Variants in KCNMA1 observed in about 807,000 individuals in gnomAD.
The protein encoded by KCNMA1 is Calcium-activated potassium channel subunit alpha-1.
Under a neutral mutation model 140.0 loss-of-function variants are expected in KCNMA1, and 29 were observed. That is an observed-to-expected ratio of 0.21 (90% CI 0.15 to 0.28). The LOEUF (loss-of-function observed/expected upper bound fraction) is 0.28, where lower values mean the gene tolerates loss of function less well. Among genes scored for constraint, KCNMA1 ranks in the 10% least tolerant of loss-of-function variants. KCNMA1 has a pLI of 1.00. For missense variants in KCNMA1, 880 were observed against 1,602.2 expected (o/e 0.55, Z 7.70); for synonymous variants, 612 against 611.9 (o/e 1.00, Z 0.00).
intron 1 of KCNMA1, among the ~76,000 whole-genome samples, chr10:77,459,356 G>C (rs1297205798): frequency 6.6e-6 from 1 of 152,250 alleles, no homozygotes; most frequent in South Asian, 2.1e-4. Context: ...AACACACAGA[G>C]AGAGACACAA....
At chr10:77,215,974 G>A (rs1001646576) in intron 3 of KCNMA1, among the ~76,000 whole-genome samples, 3 of 151,758 alleles carry the variant, frequency 2.0e-5, no homozygotes, top group Non-Finnish European at 4.4e-5. Flanking sequence ...TGCAACCCTG[G>A]AAGAGAGCCC....
At chr10:76,984,010 C>G (rs563827118) in intron 19 of KCNMA1, among the ~76,000 whole-genome samples, 1 of 152,202 alleles carries the variant, frequency 6.6e-6, no homozygotes, top group East Asian at 1.9e-4. Flanking sequence ...TTTGATTTCT[C>G]TCTTCATTTA....
intron 2 of KCNMA1, among the ~76,000 whole-genome samples, chr10:77,399,579 G>A (rs1481747477): frequency 1.3e-5 from 2 of 152,194 alleles, no homozygotes; most frequent in African/African-American, 4.8e-5. Context: ...CTGAGTGCCA[G>A]GGTGAGAGAG....
chr10:77,107,697 G>T (rs749273807), intron 9 of KCNMA1, among the ~76,000 whole-genome samples: 3 of 152,182 alleles, frequency 2.0e-5, no homozygotes, highest in Non-Finnish European at 4.4e-5. Context: ...AAAAGATTTG[G>T]CAGGAATAGC....
chr10:76,926,678 G>C (rs1298796916), intron 23 of KCNMA1, among the ~76,000 whole-genome samples: 2 of 152,056 alleles, frequency 1.3e-5, no homozygotes, highest in Non-Finnish European at 2.9e-5. Flanking sequence ...TTGAAACCAC[G>C]ATAATTCTGT....
rs189313518 is a variant in KCNMA1 at position 77,219,076 on chromosome 10, G to A, written c.602+32119C>T. Reference sequence around the variant, plus strand: ...TTGAAGTGCCCTCCTGGTTCATTTCGTCTAGTGACAAATATGACTCCATAT... The same window carrying A: ...TTGAAGTGCCCTCCTGGTTCATTTCATCTAGTGACAAATATGACTCCATAT... On this transcript the variant is annotated intron_variant, in intron 3 of 27. Coordinates refer to ENST00000286628, the MANE Select transcript of KCNMA1 (RefSeq NM_001161352.2). Among the ~76,000 whole-genome samples the A allele has an allele frequency of 2.2e-3, 339 of 152,016 alleles. 1 individual carries two copies. The highest frequency in any genetic ancestry group is 7.6e-3 in the African/African-American group (313 of 41,454).
intron 1 of KCNMA1, among the ~76,000 whole-genome samples, chr10:77,442,414 C>T (rs535094053): frequency 4.6e-5 from 7 of 152,048 alleles, no homozygotes; most frequent in African/African-American, 1.7e-4. Flanking sequence ...CTCTCCTGCC[C>T]CAGCTCCTAA....
At chr10:77,177,305 CTTTT>C (rs1394198783) in intron 5 of KCNMA1, among the ~76,000 whole-genome samples, 1 of 146,682 alleles carries the variant, frequency 6.8e-6, no homozygotes, top group Non-Finnish European at 1.5e-5. Flanking sequence ...TTCCTTCTTT[CTTTT>C]CTTTCCTTCC....
At chr10:76,924,838 G>A (rs1054426309) in intron 23 of KCNMA1, among the ~76,000 whole-genome samples, 1 of 152,148 alleles carries the variant, frequency 6.6e-6, no homozygotes, top group Non-Finnish European at 1.5e-5. Flanking sequence ...GCACACATGG[G>A]CAGTGAAGAG....
At chr10:77,016,543 G>T (rs1334006314) in intron 17 of KCNMA1, among the ~76,000 whole-genome samples, 3 of 152,002 alleles carry the variant, frequency 2.0e-5, no homozygotes. Flanking sequence ...GAGTAATAAG[G>T]ATTTTTATAT....
At chr10:77,276,368 A>T (rs1184970645) in intron 2 of KCNMA1, among the ~76,000 whole-genome samples, 1 of 152,224 alleles carries the variant, frequency 6.6e-6, no homozygotes, top group Admixed American at 6.5e-5. Context: ...CCAGTTCAGG[A>T]ATAACTGCCT....
In KCNMA1 at chr10:77,066,168, T is replaced by C. The variant is rs140036535; in HGVS notation, c.1749+6929A>G. On this transcript the variant is annotated intron_variant, in intron 14 of 27. Transcript: ENST00000286628. The stretch of plus-strand genomic sequence containing the variant: ...GTTGTTCTGGATGCTTTGTTGAAGA[T>C]AGATTGGAGGTGGGGTGGTAAGGGC... 1.7e-3 allele frequency among the ~76,000 whole-genome samples: 256 copies of C among 152,144 alleles called. 2 individuals carry two copies. The highest frequency in any genetic ancestry group is 5.9e-3 in the African/African-American group (243 of 41,518).
chr10:77,569,810 T>C (rs1310063385), intron 1 of KCNMA1, among the ~76,000 whole-genome samples: 2 of 152,032 alleles, frequency 1.3e-5, no homozygotes, highest in Non-Finnish European at 2.9e-5. Flanking sequence ...ACCTACAAAA[T>C]GGGAGAAAAT....
intron 2 of KCNMA1, among the ~76,000 whole-genome samples, chr10:77,377,857 T>A (rs2095226323): frequency 2.6e-5 from 4 of 152,176 alleles, no homozygotes; most frequent in African/African-American, 9.7e-5. Context: ...TCACAGTGCC[T>A]AGCTCCTAGT....
At chr10:77,501,926 G>T (rs891167461) in intron 1 of KCNMA1, among the ~76,000 whole-genome samples, 2 of 152,198 alleles carry the variant, frequency 1.3e-5, no homozygotes, top group African/African-American at 4.8e-5. Flanking sequence ...TTTGAGATGT[G>T]TCAGGGATTT....
intron 1 of KCNMA1, among the ~76,000 whole-genome samples, chr10:77,627,772 C>T (rs1246594167): frequency 6.6e-6 from 1 of 152,194 alleles, no homozygotes; most frequent in Non-Finnish European, 1.5e-5. Flanking sequence ...TTTCCAAGTT[C>T]ATCGTAAGGT....
intron 1 of KCNMA1, among the ~76,000 whole-genome samples, chr10:77,579,086 G>C (rs2619611): frequency 0.65 from 99,312 of 152,128 alleles, 32,896 homozygotes; most frequent in East Asian, 0.87. Context: ...AGGGAAAGAG[G>C]GGAGGTCAGG....
At chr10:77,382,348 C>T (rs1327444168) in intron 2 of KCNMA1, among the ~76,000 whole-genome samples, 3 of 152,142 alleles carry the variant, frequency 2.0e-5, no homozygotes, top group Non-Finnish European at 4.4e-5. Flanking sequence ...GTCTATGAAA[C>T]AGGTGTTATC....
chr10:77,018,928 G>T, intron 17 of KCNMA1, 85 bp downstream of exon 17: 1 of 774,378 alleles, frequency 1.3e-6, no homozygotes, highest in South Asian at 1.4e-5. Flanking sequence ...AAGGAGTTTT[G>T]GGGTTATGGA....
Sources: allele counts gnomAD v4.1 joint callset (sites outside exome capture counted in the v4.1 genomes callset), GRCh38; gene constraint gnomAD v4.1.1; transcripts MANE v1.5; gene names NCBI Gene and HGNC (gene_info 2026-07-23, HGNC 2026-07-21).